Variants in TSC22D1 observed in about 807,000 individuals in gnomAD.
The protein encoded by TSC22D1 is TSC22 domain family protein 1.
Under a neutral mutation model 74.2 loss-of-function variants are expected in TSC22D1, and 9 were observed. The ratio of observed to expected loss-of-function variants is 0.12; its 90% CI spans 0.07 to 0.21. The LOEUF (loss-of-function observed/expected upper bound fraction) is 0.21. Among genes scored for constraint, TSC22D1 ranks in the 10% least tolerant of loss-of-function variants. The pLI is 1.00. For missense variants in TSC22D1, 1,427 were observed against 1,304.7 expected (o/e 1.09, Z -1.44); for synonymous variants, 586 against 492.5 (o/e 1.19, Z -2.51).
rs1874621300 is a variant in TSC22D1, at chr13:44,436,320, T to G, written c.2913-225A>C. Reference sequence around the variant, plus strand: ...CCACAAAGGACTAAATTACATAATGTGGGGAAAGCCTGTTCTCTGGCCAGA... The same window carrying G: ...CCACAAAGGACTAAATTACATAATGGGGGGAAAGCCTGTTCTCTGGCCAGA... On this transcript the variant is annotated intron_variant, in intron 1 of 2. Transcript: ENST00000458659. 11 of 943,710 alleles carry G rather than the reference T, an allele frequency of 1.2e-5. No individual in the cohort carries two copies. In the South Asian group the frequency reaches 1.8e-4, roughly 16 times the overall value. 58.5% of individuals were successfully genotyped at this position (943,710 alleles called of 1,614,324 possible).
intron 1 of TSC22D1, among the ~76,000 whole-genome samples, chr13:44,544,586 G>C (rs1352216826): frequency 6.7e-6 from 1 of 150,282 alleles, no homozygotes; most frequent in East Asian, 1.9e-4. Context: ...GAACTTAAGG[G>C]GCTGAATACC....
At chr13:44,440,054 G>A (rs1265460251) in intron 1 of TSC22D1, among the ~76,000 whole-genome samples, 1 of 152,126 alleles carries the variant, frequency 6.6e-6, no homozygotes, top group Non-Finnish European at 1.5e-5. Context: ...CATTTTTCTA[G>A]TTTACTCTCA....
rs1330050758 is a variant in TSC22D1, at chr13:44,477,645, T to C, written c.2913-41550A>G. Among the ~76,000 whole-genome samples, 181 of 149,482 alleles carry C rather than the reference T, an allele frequency of 1.2e-3. 1 individual carries two copies. Among genetic ancestry groups the C allele is most frequent in the African/African-American group, 4.0e-3 (162 of 40,804 alleles). On this transcript the variant is annotated intron_variant, in intron 1 of 2. Transcript: ENST00000458659. ...TATCAAATGTGCTCATAGATTTTTT[T>C]TTTTTTTTTTTTTTGAGACGGAGTC... is the stretch of plus-strand genomic sequence containing the variant.
chr13:44,510,408 A>T, intron 1 of TSC22D1, among the ~76,000 whole-genome samples: 1 of 152,006 alleles, frequency 6.6e-6, no homozygotes, highest in Non-Finnish European at 1.5e-5. Flanking sequence ...AAAAACAAAA[A>T]ATGTTCATAC....
Position 44,475,224 on chromosome 13 carries a change from T to C in TSC22D1, c.2913-39129A>G, listed in dbSNP as rs565677266. On this transcript the variant is annotated intron_variant, in intron 1 of 2. Transcript: ENST00000458659. ...AAACTTGAGAAAATTAAAAAAATTT[T>C]GTAGTAGAAAAAAGATAATCCAAAG... Among the ~76,000 whole-genome samples, 14 of 152,126 alleles carry C rather than the reference T, an allele frequency of 9.2e-5. No individual in the cohort carries two copies. In the East Asian group the frequency reaches 2.3e-3, roughly 25 times the overall value.
At chr13:44,446,643 C>T (rs1875664792) in intron 1 of TSC22D1, among the ~76,000 whole-genome samples, 1 of 151,574 alleles carries the variant, frequency 6.6e-6, no homozygotes, top group African/African-American at 2.4e-5. Context: ...AAACAAACAA[C>T]ACTATTGCTG....
intron 1 of TSC22D1, chr13:44,537,597 TG>T (rs1412556852): frequency 2.9e-5 from 29 of 984,782 alleles, no homozygotes; most frequent in Middle Eastern, 5.2e-4. Context: ...GATGGACAGT[TG>T]TTTTTTTTAA....
chr13:44,518,273 A>G (rs917414775), intron 1 of TSC22D1, among the ~76,000 whole-genome samples: 4 of 152,184 alleles, frequency 2.6e-5, no homozygotes, highest in Non-Finnish European at 4.4e-5. Context: ...AAATAGAGGT[A>G]AACAAACGAC....
chr13:44,444,085 C>T (rs1031399787), intron 1 of TSC22D1, among the ~76,000 whole-genome samples: 15 of 151,626 alleles, frequency 9.9e-5, no homozygotes, highest in African/African-American at 3.1e-4. Context: ...TCAAGACCAG[C>T]CTGGCCAATA....
At position 44,434,714 on chromosome 13, in the gene TSC22D1, G is replaced by C; in HGVS notation, c.3134C>G (p.Thr1045Ser). Reference protein sequence around the residue: ...QLAQFQAQLQTGSPPATTQPQ... With the variant: ...QLAQFQAQLQSGSPPATTQPQ... Reference sequence around the variant, plus strand: ...CTGGGTGGTGGCAGGGGGGGAGCCAGTCTGCAGCTGGGCCTGAAACTGGGC... The same window carrying C: ...CTGGGTGGTGGCAGGGGGGGAGCCACTCTGCAGCTGGGCCTGAAACTGGGC... Residue 1045 changes from threonine (T) to serine (S), a missense_variant, in exon 3 of 3, where the codon ACT (threonine) becomes AGT (serine). Transcript: ENST00000458659. The C allele has an allele frequency of 6.2e-7, 1 of 1,612,794 alleles. No homozygotes were observed. Among genetic ancestry groups the C allele is most frequent in the Non-Finnish European group, 8.5e-7 (1 of 1,179,728 alleles).
At chr13:44,475,906 A>G (rs1291487881) in intron 1 of TSC22D1, among the ~76,000 whole-genome samples, 1 of 152,224 alleles carries the variant, frequency 6.6e-6, no homozygotes, top group African/African-American at 2.4e-5. Flanking sequence ...GGAAAGATCA[A>G]CAACAAAGCC....
intron 1 of TSC22D1, chr13:44,539,575 A>G: frequency 2.0e-6 from 2 of 985,350 alleles, no homozygotes; most frequent in Non-Finnish European, 2.4e-6. Context: ...TGCTTTAATT[A>G]TCTGGAGAGA....
At position 44,501,829 on chromosome 13, in the gene TSC22D1, C is replaced by G. The variant is rs541582041; in HGVS notation, c.2913-65734G>C. The stretch of plus-strand genomic sequence containing the variant: ...TAAGCGCTAACACATGTGCTGTGGG[C>G]TGATCGTCCATTAAAATGGCTCTTT... On this transcript the variant is annotated intron_variant, in intron 1 of 2. Coordinates refer to ENST00000458659, the MANE Select transcript of TSC22D1 (RefSeq NM_183422.4). Among the ~76,000 whole-genome samples, 9 of 152,276 alleles carry G rather than the reference C, an allele frequency of 5.9e-5. No individual in the cohort carries two copies. The South Asian group carries it at 1.9e-3, about 32-fold the overall frequency.
intron 1 of TSC22D1, among the ~76,000 whole-genome samples, chr13:44,453,298 T>TTC (rs1410406042): frequency 6.6e-6 from 1 of 152,216 alleles, no homozygotes; most frequent in Admixed American, 6.5e-5. Context: ...ATATAACTTT[T>TTC]TTGCATAAAC....
At chr13:44,456,212 G>A (rs1181632356) in intron 1 of TSC22D1, among the ~76,000 whole-genome samples, 2 of 152,210 alleles carry the variant, frequency 1.3e-5, no homozygotes, top group Admixed American at 6.5e-5. Flanking sequence ...ATCGCTAACA[G>A]TAAAACAACA....
chr13:44,551,229 C>T (rs762956219), intron 1 of TSC22D1, among the ~76,000 whole-genome samples: 35 of 152,080 alleles, frequency 2.3e-4, no homozygotes, highest in Non-Finnish European at 4.6e-4. Flanking sequence ...CAAGATCTCA[C>T]CACTACACTC....
intron 1 of TSC22D1, among the ~76,000 whole-genome samples, chr13:44,445,062 C>T (rs1192180158): frequency 6.6e-6 from 1 of 152,064 alleles, no homozygotes; most frequent in Non-Finnish European, 1.5e-5. Context: ...CTTTACAACT[C>T]ATTCTATGAG....
At chr13:44,550,542 A>AT (rs1173936860) in intron 1 of TSC22D1, among the ~76,000 whole-genome samples, 2 of 151,122 alleles carry the variant, frequency 1.3e-5, no homozygotes, top group Non-Finnish European at 2.9e-5. Flanking sequence ...AGATTGCACC[A>AT]TTGCACTCCA....
chr13:44,497,571 A>G (rs963343954), intron 1 of TSC22D1, among the ~76,000 whole-genome samples: 1 of 152,244 alleles, frequency 6.6e-6, no homozygotes, highest in African/African-American at 2.4e-5. Context: ...AACAAGAACA[A>G]CAACAACAAC....
Sources: gnomAD v4.1 joint callset for allele counts (sites outside exome capture counted in the v4.1 genomes callset) on GRCh38, gnomAD v4.1.1 for gene constraint, MANE v1.5 for transcripts, NCBI Gene and HGNC (gene_info 2026-07-23, HGNC 2026-07-21) for gene names.